FRMPD1: variants seen among roughly 807,000 people sequenced by gnomAD.
FRMPD1 encodes FERM and PDZ domain containing 1.
A neutral mutation model predicts 117.8 loss-of-function variants in FRMPD1; 76 were observed. The ratio of observed to expected loss-of-function variants is 0.65; its 90% CI spans 0.54 to 0.78. The LOEUF (loss-of-function observed/expected upper bound fraction) is 0.78, where lower values mean the gene tolerates loss of function less well. Among genes scored for constraint, FRMPD1 ranks in the 30% least tolerant of loss-of-function variants. The pLI, the probability that FRMPD1 is intolerant of heterozygous loss-of-function variation, is 0.00. For missense variants in FRMPD1, 1,786 were observed against 1,964.5 expected (o/e 0.91, Z 1.72); for synonymous variants, 783 against 770.4 (o/e 1.02, Z -0.27).
At chr9:37,628,569 T>C in the FRMPD1 span, among the ~76,000 whole-genome samples, 951 of 152,314 alleles carry the variant, frequency 6.2e-3, 10 homozygotes, top group African/African-American at 0.022. Flanking sequence ...AGGAGTCTCA[T>C]TGGATTATTA....
chr9:37,652,351 T>G (rs1240312635), intron 1 of FRMPD1, among the ~76,000 whole-genome samples: 1 of 152,184 alleles, frequency 6.6e-6, no homozygotes, highest in Non-Finnish European at 1.5e-5. Context: ...TCTGGCACAG[T>G]CACAGCAAAA....
intron 6 of FRMPD1, among the ~76,000 whole-genome samples, chr9:37,721,484 A>C (rs950843556): frequency 6.6e-6 from 1 of 152,252 alleles, no homozygotes; most frequent in African/African-American, 2.4e-5. Flanking sequence ...CTTTATACTT[A>C]GCAAATGAGC....
intron 6 of FRMPD1, among the ~76,000 whole-genome samples, chr9:37,720,488 C>A (rs752924026): frequency 6.6e-5 from 10 of 152,146 alleles, no homozygotes; most frequent in Non-Finnish European, 1.2e-4. Flanking sequence ...CATGGCGAAA[C>A]CCCATCTCTA....
the FRMPD1 span, among the ~76,000 whole-genome samples, chr9:37,616,592 C>T: frequency 6.6e-6 from 1 of 152,162 alleles, no homozygotes; most frequent in Non-Finnish European, 1.5e-5. Flanking sequence ...TTGTAAATTC[C>T]ACCTGCACTG....
chr9:37,631,884 C>A, the FRMPD1 span, among the ~76,000 whole-genome samples: 1 of 152,342 alleles, frequency 6.6e-6, no homozygotes, highest in East Asian at 1.9e-4. Context: ...GGATTATAGA[C>A]ATGAGCCACT....
chr9:37,619,918 A>G, the FRMPD1 span, among the ~76,000 whole-genome samples: 20 of 102,258 alleles, frequency 2.0e-4, no homozygotes, highest in African/African-American at 6.8e-4. Context: ...AGACAGGGGA[A>G]AAAAAAAAAA....
At chr9:37,642,723 C>T in the FRMPD1 span, among the ~76,000 whole-genome samples, 6 of 152,106 alleles carry the variant, frequency 3.9e-5, no homozygotes, top group East Asian at 1.2e-3. Context: ...GAAATTTCAC[C>T]AGGATATATT....
At chr9:37,619,988 G>A in the FRMPD1 span, among the ~76,000 whole-genome samples, 1 of 151,818 alleles carries the variant, frequency 6.6e-6, no homozygotes, top group Non-Finnish European at 1.5e-5. Context: ...AGTTGGTGCT[G>A]TGATATATTC....
At chr9:37,637,223 A>G in the FRMPD1 span, 1 of 1,610,920 alleles carries the variant, frequency 6.2e-7, no homozygotes, top group Non-Finnish European at 8.5e-7. Flanking sequence ...CCGCAGGAGC[A>G]GGCATGACTT....
chr9:37,631,280 A>C, the FRMPD1 span, among the ~76,000 whole-genome samples: 1 of 152,262 alleles, frequency 6.6e-6, no homozygotes, highest in Non-Finnish European at 1.5e-5. Flanking sequence ...TATCCCTACA[A>C]TGGGTGAATG....
At chr9:37,682,571 C>A (rs1232737936) in intron 1 of FRMPD1, among the ~76,000 whole-genome samples, 1 of 152,236 alleles carries the variant, frequency 6.6e-6, no homozygotes, top group Non-Finnish European at 1.5e-5. Context: ...GAAACCAGGT[C>A]TCCTAATATC....
chr9:37,686,162 T>C (rs773237342), intron 1 of FRMPD1, among the ~76,000 whole-genome samples: 12 of 152,174 alleles, frequency 7.9e-5, no homozygotes, highest in Non-Finnish European at 1.5e-4. Context: ...CAAGGAACTG[T>C]TGAAGGAGCT....
chr9:37,674,337 G>A (rs891177686), intron 1 of FRMPD1, among the ~76,000 whole-genome samples: 23 of 152,098 alleles, frequency 1.5e-4, no homozygotes, highest in Non-Finnish European at 3.1e-4. Context: ...CCTCATCTCC[G>A]TCTGAGACCA....
At chr9:37,711,667 G>A (rs762838161) in intron 5 of FRMPD1, among the ~76,000 whole-genome samples, 3 of 152,172 alleles carry the variant, frequency 2.0e-5, no homozygotes, top group Admixed American at 1.3e-4. Context: ...TGATGGTAAG[G>A]GCACCAAACT....
At chr9:37,736,222 C>T (rs1322505451) in intron 13 of FRMPD1, among the ~76,000 whole-genome samples, 5 of 151,764 alleles carry the variant, frequency 3.3e-5, no homozygotes, top group South Asian at 2.1e-4. Context: ...AGGATGGTCT[C>T]GATCTCCTGA....
the FRMPD1 span, among the ~76,000 whole-genome samples, chr9:37,603,879 C>T: frequency 6.6e-6 from 1 of 152,096 alleles, no homozygotes; most frequent in South Asian, 2.1e-4. Flanking sequence ...GGGGTTTCTC[C>T]ATTTTGGCCA....
At chr9:37,664,269 G>C (rs1031569133) in intron 1 of FRMPD1, among the ~76,000 whole-genome samples, 2 of 151,648 alleles carry the variant, frequency 1.3e-5, no homozygotes, top group African/African-American at 4.9e-5. Context: ...AGGGGATGTA[G>C]GGCATCGACA....
chr9:37,683,111 T>A (rs1466600559), intron 1 of FRMPD1, among the ~76,000 whole-genome samples: 1 of 152,252 alleles, frequency 6.6e-6, no homozygotes, highest in East Asian at 1.9e-4. Context: ...TTCTGGTCAT[T>A]TCATATAAAT....
At chr9:37,648,579 G>A (rs997970144), upstream of FRMPD1, among the ~76,000 whole-genome samples, 2 of 152,166 alleles carry the variant, frequency 1.3e-5, no homozygotes, top group African/African-American at 4.8e-5. Flanking sequence ...AGGCTCCAAC[G>A]AAAGCAAGGG....
Sources: allele counts gnomAD v4.1 joint callset (sites outside exome capture counted in the v4.1 genomes callset), GRCh38; gene constraint gnomAD v4.1.1; transcripts MANE v1.5; gene names NCBI Gene and HGNC (gene_info 2026-07-23, HGNC 2026-07-21).